COL11A2: variants seen among roughly 807,000 people sequenced by gnomAD.
COL11A2 encodes collagen alpha-2(XI) chain.
In COL11A2, 116 loss-of-function variants were observed where a neutral mutation model predicts 273.4. The ratio of observed to expected loss-of-function variants is 0.42; its 90% CI spans 0.36 to 0.49. COL11A2 has a LOEUF of 0.49. Among genes scored for constraint, COL11A2 ranks in the 20% least tolerant of loss-of-function variants. The pLI, the probability that COL11A2 is intolerant of heterozygous loss-of-function variation, is 0.00. For synonymous variants in COL11A2, 782 were observed against 864.2 expected (o/e 0.90, Z 1.67); for missense variants, 1,866 against 2,309.0 (o/e 0.81, Z 3.93).
At position 33,184,257 on chromosome 6, in the gene COL11A2, C is replaced by G; in HGVS notation, c.1007G>C (p.Gly336Ala). The change falls in exon 8 of 66, where the codon GGC (glycine) becomes GCC (alanine). Residue 336 changes from glycine (G) to alanine (A), a missense_variant. Transcript: ENST00000341947. ...RFQAEEYGEG[G>A]TDPPEGPYDY... ...GTAGGGCCCTTCAGGGGGGTCTGTG[C>G]CACCCTCCCCATATTCCTCTGCCTG... 7.3e-7 allele frequency: 1 copy of G among 1,367,622 alleles called. No individual in the cohort carries two copies. The allele number at this position is 1,367,622 out of a possible 1,614,324, so 84.7% of individuals were successfully genotyped here.
chr6:33,177,124 G>C lies in COL11A2; in HGVS notation c.2016+57C>G, dbSNP rs1265853244. ...GACAAAATCCCAGCAGACATTTAGGGTTCTCCCTACATCCCCACTCTAAAC... is the reference window on the plus strand; with the variant it reads ...GACAAAATCCCAGCAGACATTTAGGCTTCTCCCTACATCCCCACTCTAAAC... On this transcript the variant is annotated intron_variant, in intron 24 of 65. Coordinates refer to ENST00000341947, the MANE Select transcript of COL11A2 (RefSeq NM_080680.3). The surrounding 1 kb of genome is among the most constrained non-coding windows in gnomAD (Gnocchi z 5.9). 1.2e-6 allele frequency: 2 copies of C among 1,612,464 alleles called. No individual in the cohort carries two copies. The highest frequency in any genetic ancestry group is 1.7e-6 in the Non-Finnish European group (2 of 1,179,612).
Position 33,192,457 on chromosome 6 carries a change from C to G in COL11A2, c.-217G>C, listed in dbSNP as rs1773260722. ...GCACTGCTCCCTCCTCGGTGGCTGC[C>G]GCTTCTGTGTGTCCCCGGCCACCCT... On this transcript the variant is annotated 5_prime_UTR_variant, in exon 1 of 66. Coordinates refer to ENST00000341947, the MANE Select transcript of COL11A2 (RefSeq NM_080680.3). 8.4e-6 allele frequency: 5 copies of G among 591,964 alleles called. No individual in the cohort carries two copies. The highest frequency in any genetic ancestry group is 2.0e-5 in the South Asian group (1 of 50,400). The allele number at this position is 591,964 out of a possible 1,614,324, so 36.7% of individuals were successfully genotyped here.
chr6:33,172,768 T>A lies in COL11A2; in HGVS notation c.2791-131A>T. The A allele has an allele frequency of 5.8e-6, 5 of 856,580 alleles. No individual in the cohort carries two copies. In the South Asian group the frequency reaches 7.2e-5, roughly 12 times the overall value. The allele number at this position is 856,580 out of a possible 1,614,324, so 53.1% of individuals were successfully genotyped here. On this transcript the variant is annotated intron_variant, in intron 38 of 65. Coordinates refer to ENST00000341947, the MANE Select transcript of COL11A2 (RefSeq NM_080680.3). ...CCCTGCCCCAAAGCTCCTGGGAAAT[T>A]CCCCGGCATTCCTGGGCCACTGCTG...
rs775641112 is a variant in COL11A2, at chr6:33,175,650, T to C, written c.2300A>G (p.Glu767Gly). ...TCCCTTTGGCCCCTCAGGACCATCC[T>C]CTCCCCTGGAACCAGGGACTCCAAC... ...GEVGVPGSRG[E>G]DGPEGPKGRT... The change falls in exon 30 of 66, where the codon GAG (glutamate) becomes GGG (glycine). Residue 767 changes from glutamate to glycine, a missense_variant. By Grantham distance (98) the Glu-to-Gly change is moderately conservative. Transcript: ENST00000341947. 1.7e-5 allele frequency: 27 copies of C among 1,612,690 alleles called. No homozygotes were observed. The African/African-American group carries it at 3.5e-4, about 21-fold the overall frequency.
Position 33,172,024 on chromosome 6 carries a change from TACC to T in COL11A2, c.3042+23_3042+25del, listed in dbSNP as rs750806485. The T allele has an allele frequency of 2.1e-5, 34 of 1,611,112 alleles. No homozygotes were observed. In the South Asian group the frequency reaches 3.7e-4, roughly 18 times the overall value. On this transcript the variant is annotated intron_variant, in intron 41 of 65. Coordinates refer to ENST00000341947, the MANE Select transcript of COL11A2 (RefSeq NM_080680.3). ...ACCCACCCCTTTCCCGGGTCCTTCC[TACC>T]ACTTCCGGAACCCCAGACTCACTGC... is the stretch of plus-strand genomic sequence containing the variant.
upstream of COL11A2, among the ~76,000 whole-genome samples, chr6:33,193,275 G>A (rs1376224480): frequency 3.3e-5 from 5 of 151,896 alleles, no homozygotes; most frequent in African/African-American, 1.2e-4. Flanking sequence ...CCCGGAGCCC[G>A]CAGCGCGCCC....
chr6:33,178,038 G>T lies in COL11A2; in HGVS notation c.1872+94C>A. 1 of 1,301,068 alleles carries T rather than the reference G, an allele frequency of 7.7e-7. No individual in the cohort carries two copies. Among genetic ancestry groups the T allele is most frequent in the Non-Finnish European group, 1.1e-6 (1 of 920,046 alleles). The allele number at this position is 1,301,068 out of a possible 1,614,324, so 80.6% of individuals were successfully genotyped here. On this transcript the variant is annotated intron_variant, in intron 21 of 65. Transcript: ENST00000341947. This position sits in a 1 kb window ranked among gnomAD's most constrained non-coding sequence, Gnocchi z 4.6. ...GCTCACAGGGAATGGGAAGCATGCCGAGAGAGGAGAGGGAGCAGGAAGGCA... is the reference window on the plus strand; with the variant it reads ...GCTCACAGGGAATGGGAAGCATGCCTAGAGAGGAGAGGGAGCAGGAAGGCA...
In COL11A2 at chr6:33,187,569, G is replaced by T. The variant is rs185284179; in HGVS notation, c.607-751C>A. 1.6e-4 allele frequency among the ~76,000 whole-genome samples: 25 copies of T among 152,232 alleles called. No individual in the cohort carries two copies. In the East Asian group the frequency reaches 4.8e-3, roughly 29 times the overall value. On this transcript the variant is annotated intron_variant, in intron 4 of 65. Coordinates refer to ENST00000341947, the MANE Select transcript of COL11A2 (RefSeq NM_080680.3). ...TGGCTGGGGGCTTACATGCATTAATGAATGGGAGCATTGATAAATAGTGAA... is the reference window on the plus strand; with the variant it reads ...TGGCTGGGGGCTTACATGCATTAATTAATGGGAGCATTGATAAATAGTGAA...
At chr6:33,168,850 G>A in intron 52 of COL11A2, 91 bp from the exon 53 acceptor site, 5 of 1,604,214 alleles carry the variant, frequency 3.1e-6, no homozygotes, top group Non-Finnish European at 3.4e-6. Context: ...TGCCCACCCT[G>A]CCATACCCCC....
At chr6:33,187,270 T>C (rs1562384675) in intron 4 of COL11A2, among the ~76,000 whole-genome samples, 2 of 152,212 alleles carry the variant, frequency 1.3e-5, no homozygotes. Context: ...TCTGGACCTC[T>C]AGAAATGGAG....
chr6:33,172,405 C>T (rs753388954), intron 39 of COL11A2, 27 bp from the exon 40 acceptor site: 6 of 1,568,050 alleles, frequency 3.8e-6, no homozygotes, highest in Non-Finnish European at 4.3e-6. Context: ...GGTGATGAGC[C>T]ACAGCCATGC....
At chr6:33,186,841 G>A (rs757840560) in intron 4 of COL11A2, 23 bp from the exon 5 acceptor site, 1 of 1,613,550 alleles carries the variant, frequency 6.2e-7, no homozygotes, top group Non-Finnish European at 8.5e-7. Context: ...GAGAGAGATG[G>A]AGCGGAGAGA....
rs2855432 is a variant in COL11A2, at chr6:33,173,206, A to G, written c.2737-93T>C. 0.74 allele frequency: 1,139,790 copies of G among 1,532,690 alleles called. 427,901 individuals carry two copies. Among genetic ancestry groups the G allele is most frequent in the East Asian group, 0.98 (41,894 of 42,680 alleles). The allele number at this position is 1,532,690 out of a possible 1,614,324, so 94.9% of individuals were successfully genotyped here. A position where few individuals can be genotyped will look rare whatever the true frequency, so the allele number is the denominator to read the frequency against. ...GAAGGATCCCAGGCAGGATCACACC[A>G]AGCCCTGGGCCCTGGGTCTGAGCAG... is the stretch of plus-strand genomic sequence containing the variant. On this transcript the variant is annotated intron_variant, in intron 37 of 65. Transcript: ENST00000341947. The surrounding 1 kb of genome is among the most constrained non-coding windows in gnomAD (Gnocchi z 6.3).
In COL11A2 at chr6:33,167,110, A is replaced by C. The variant is rs571981688; in HGVS notation, c.4190T>G (p.Leu1397Arg). The part of the protein sequence containing the change: ...GPPGPVGPPG[L>R]PGLRGDAGAK... ...TCCAGCATCGCCCCGGAGACCAGGC[A>C]GCCCTGGGGGTCCCTGTGGAGAGAT... The change falls in exon 58 of 66, where the codon CTG becomes CGG. Residue 1397 changes from leucine to arginine, a missense_variant. Physicochemically the swap from Leu to Arg is moderately radical, Grantham distance 102 (BLOSUM62 -2). Coordinates refer to ENST00000341947, the MANE Select transcript of COL11A2 (RefSeq NM_080680.3). This position sits in a 1 kb window ranked among gnomAD's most constrained non-coding sequence, Gnocchi z 6.1. 3.0e-5 allele frequency: 48 copies of C among 1,614,130 alleles called. 1 individual carries two copies. In the Admixed American group the frequency reaches 6.2e-4, roughly 21 times the overall value.
rs765473289 is a variant in COL11A2 at position 33,173,158 on chromosome 6, G to A, written c.2737-45C>T. ...GAATGCAGTGAAAGCAGGTGTGGGC[G>A]CTGTGGGGCAGATTCCCAGGAGGAA... On this transcript the variant is annotated intron_variant, in intron 37 of 65. Transcript: ENST00000341947. The surrounding 1 kb of genome is among the most constrained non-coding windows in gnomAD (Gnocchi z 6.3). 20 of 1,589,160 alleles carry A rather than the reference G, an allele frequency of 1.3e-5. No individual in the cohort carries two copies. The highest frequency in any genetic ancestry group is 4.6e-5 in the East Asian group (2 of 43,942).
Position 33,179,791 on chromosome 6 carries a change from A to G in COL11A2, c.1374T>C (p.Ser458=). The part of the protein sequence containing the change: ...TSLMLPFRFG[S]GGGDKGPVVA... ...CCACAGGGCCCTTGTCACCCCCACC[A>G]CTGCCAAACCGGAACTGAGGTCAAG... The change falls in exon 13 of 66, where the codon AGT becomes AGC. Residue 458 remains serine, a synonymous_variant. Coordinates refer to ENST00000341947, the MANE Select transcript of COL11A2 (RefSeq NM_080680.3). The surrounding 1 kb of genome is among the most constrained non-coding windows in gnomAD (Gnocchi z 6.4). The G allele has an allele frequency of 6.2e-7, 1 of 1,611,298 alleles. No homozygotes were observed. Among genetic ancestry groups the G allele is most frequent in the Non-Finnish European group, 8.5e-7 (1 of 1,179,940 alleles).
upstream of COL11A2, chr6:33,193,475 T>G (rs1490487939): frequency 7.5e-6 from 1 of 132,838 alleles, no homozygotes; most frequent in Non-Finnish European, 1.6e-5. Flanking sequence ...CGTGCACCTC[T>G]TGGGCCCCAC....
intron 6 of COL11A2, 79 bp from the exon 7 acceptor site, chr6:33,185,133 G>C (rs2150605297): frequency 3.8e-6 from 4 of 1,059,824 alleles, no homozygotes; most frequent in African/African-American, 3.2e-5. Flanking sequence ...AGGCAAAGCA[G>C]CACCTGTCCC....
chr6:33,169,425 C>A lies in COL11A2; in HGVS notation c.3756G>T (p.Gly1252=), dbSNP rs761607850. The stretch of plus-strand genomic sequence containing the variant: ...CATCATCGCCTGTGGGGCCTTTAGG[C>A]CCTGGTGGCCCTGGCTCTCCTGGCT... The part of the protein sequence containing the change: ...SGQPGEPGPP[G]PKGPTGDDGP... The change falls in exon 51 of 66, where the codon GGG becomes GGT. Residue 1252 remains glycine (G), a synonymous_variant. Transcript: ENST00000341947. The surrounding 1 kb of genome is among the most constrained non-coding windows in gnomAD (Gnocchi z 5.5). 6.2e-7 allele frequency: 1 copy of A among 1,612,958 alleles called. No individual in the cohort carries two copies.
Sources: gnomAD v4.1 joint callset for allele counts (sites outside exome capture counted in the v4.1 genomes callset) on GRCh38, gnomAD v4.1.1 for gene constraint, Gnocchi (gnomAD v3.1) non-coding constraint, MANE v1.5 for transcripts, NCBI Gene and HGNC (gene_info 2026-07-23, HGNC 2026-07-21) for gene names.